The following UPK2 variants were observed in gnomAD, a reference collection of about 807,000 sequenced individuals.
The protein encoded by UPK2 is uroplakin-2.
UPK2 carries 19 observed loss-of-function variants against 14.8 expected under a neutral mutation model. That is an observed-to-expected ratio of 1.29 (90% CI 0.90 to 1.89). The LOEUF is 1.89. UPK2 is among the 40% of genes most tolerant of loss of function. UPK2 has a pLI of 0.00. For missense variants in UPK2, 232 were observed against 236.0 expected (o/e 0.98, Z 0.11); for synonymous variants, 102 against 101.6 (o/e 1.00, Z -0.02).
At position 118,956,597 on chromosome 11, in the gene UPK2, G is replaced by A. The variant is rs1364716262; in HGVS notation, c.76+171G>A. On this transcript the variant is annotated intron_variant, in intron 1 of 4. Transcript: ENST00000264031. This position sits in a 1 kb window ranked among gnomAD's most constrained non-coding sequence, Gnocchi z 4.1. Reference sequence around the variant, plus strand: ...AGGGTACACTCCTGATCCTCCTCCAGACCTAGGAGGCAGAGAGGTGTGGGC... The same window carrying A: ...AGGGTACACTCCTGATCCTCCTCCAAACCTAGGAGGCAGAGAGGTGTGGGC... Among the ~76,000 whole-genome samples, 2 of 152,088 alleles carry A rather than the reference G, an allele frequency of 1.3e-5. No homozygotes were observed. The highest frequency in any genetic ancestry group is 2.9e-5 in the Non-Finnish European group (2 of 67,998).
rs547896905 is a variant in UPK2, at chr11:118,956,639, G to A, written c.76+213G>A. On this transcript the variant is annotated intron_variant, in intron 1 of 4. Transcript: ENST00000264031. This position sits in a 1 kb window ranked among gnomAD's most constrained non-coding sequence, Gnocchi z 4.1. ...GGTGTGGGCAAGGATCCGATGCTGC[G>A]GGGAGGGGTGAGGTTGGGCGCTGCC... Among the ~76,000 whole-genome samples the A allele has an allele frequency of 6.6e-6, 1 of 152,248 alleles. No homozygotes were observed. Among genetic ancestry groups the A allele is most frequent in the African/African-American group, 2.4e-5 (1 of 41,554 alleles).
intron 4 of UPK2, 139 bp downstream of exon 4, chr11:118,957,807 G>C (rs1030499123): frequency 1.0e-5 from 10 of 993,092 alleles, no homozygotes; most frequent in Non-Finnish European, 1.5e-5. Flanking sequence ...ATCCTAGCAC[G>C]GAACCTTCGG....
intron 3 of UPK2, 48 bp from the exon 4 acceptor site, chr11:118,957,550 G>A (rs1353005755): frequency 6.2e-7 from 1 of 1,608,728 alleles, no homozygotes. Context: ...CTTCCTGTAA[G>A]TCCCAATACT....
At chr11:118,957,176 C>T (rs1376243766) in intron 2 of UPK2, 32 bp from the exon 3 acceptor site, 1 of 1,613,854 alleles carries the variant, frequency 6.2e-7, no homozygotes, top group Admixed American at 1.7e-5. Flanking sequence ...AGAAACTTGA[C>T]CCAGTCTTCC....
In UPK2 at chr11:118,956,788, A is replaced by T. The variant is rs1198644552; in HGVS notation, c.77-95A>T. ...CCTGGCTGTTCTGCCCAGGGTTCAC[A>T]GAGTGGAAAGGGAGATGGCTCCAAT... On this transcript the variant is annotated intron_variant, in intron 1 of 4. Transcript: ENST00000264031. This position sits in a 1 kb window ranked among gnomAD's most constrained non-coding sequence, Gnocchi z 4.1. 1.3e-6 allele frequency: 2 copies of T among 1,538,376 alleles called. No individual in the cohort carries two copies. Among genetic ancestry groups the T allele is most frequent in the African/African-American group, 2.7e-5 (2 of 73,260 alleles).
chr11:118,957,922 TGATGGGTGTTTG>T (rs1441674119), intron 4 of UPK2, among the ~76,000 whole-genome samples, 163 bp from the exon 5 acceptor site: 1 of 152,220 alleles, frequency 6.6e-6, no homozygotes, highest in Non-Finnish European at 1.5e-5. Flanking sequence ...AATGTCTATG[TGATGGGTGTTTG>T]GATCCATCAG....
Position 118,956,942 on chromosome 11 carries a change from G to T in UPK2, c.136G>T (p.Val46Phe). Residue 46 changes from valine to phenylalanine, a missense_variant, in exon 2 of 5, where the codon GTT becomes TTT. Coordinates refer to ENST00000264031, the MANE Select transcript of UPK2 (RefSeq NM_006760.4). This position sits in a 1 kb window ranked among gnomAD's most constrained non-coding sequence, Gnocchi z 4.1. ...LSPALTESLL[V>F]ALPPCHLTGG... Reference sequence around the variant, plus strand: ...CCCGGCGCTAACGGAGAGCCTGCTGGTTGCCTTGCCCCCCTGTCACCTCAC... The same window carrying T: ...CCCGGCGCTAACGGAGAGCCTGCTGTTTGCCTTGCCCCCCTGTCACCTCAC... 2 of 1,614,040 alleles carry T rather than the reference G, an allele frequency of 1.2e-6. No homozygotes were observed. Among genetic ancestry groups the T allele is most frequent in the South Asian group, 2.2e-5 (2 of 91,022 alleles).
chr11:118,957,407 A>G, intron 3 of UPK2, 61 bp downstream of exon 3: 1 of 1,595,672 alleles, frequency 6.3e-7, no homozygotes, highest in East Asian at 2.3e-5. Flanking sequence ...GAGAGAAGCT[A>G]GTGTGGGGGA....
chr11:118,958,159 G>A lies in UPK2; in HGVS notation c.481G>A (p.Val161Met). The A allele has an allele frequency of 6.2e-6, 10 of 1,614,086 alleles. No individual in the cohort carries two copies. Among genetic ancestry groups the A allele is most frequent in the Non-Finnish European group, 8.5e-6 (10 of 1,179,972 alleles). Residue 161 changes from valine (V) to methionine (M), a missense_variant, in exon 5 of 5, where the codon GTG (valine) becomes ATG (methionine). By Grantham distance (21) the Val-to-Met change is conservative. Coordinates refer to ENST00000264031, the MANE Select transcript of UPK2 (RefSeq NM_006760.4). This position sits in a 1 kb window ranked among gnomAD's most constrained non-coding sequence, Gnocchi z 4.6. ...CACAGGGGGCATGGTGGTCATCACG[G>A]TGCTGCTCTCTGTCGCCATGTTCCT... The part of the protein sequence containing the change: ...ARTGGMVVIT[V>M]LLSVAMFLLV...
In UPK2 at chr11:118,958,493, C is replaced by G. The variant is rs970203913; in HGVS notation, c.*260C>G. 1.1e-5 allele frequency: 5 copies of G among 452,698 alleles called. No individual in the cohort carries two copies. Among genetic ancestry groups the G allele is most frequent in the Admixed American group, 6.8e-5 (2 of 29,542 alleles). 28.0% of individuals were successfully genotyped at this position (452,698 alleles called of 1,614,324 possible). A position where few individuals can be genotyped will look rare whatever the true frequency, so the allele number is the denominator to read the frequency against. ...TCCCATTTTACCACTTTAAACACCCCCATAACAATTCCCCCATCCTTCAGT... is the reference window on the plus strand; with the variant it reads ...TCCCATTTTACCACTTTAAACACCCGCATAACAATTCCCCCATCCTTCAGT... On this transcript the variant is annotated 3_prime_UTR_variant, in exon 5 of 5. Coordinates refer to ENST00000264031, the MANE Select transcript of UPK2 (RefSeq NM_006760.4). This position sits in a 1 kb window ranked among gnomAD's most constrained non-coding sequence, Gnocchi z 4.6.
rs1315725727 is a variant in UPK2, at chr11:118,957,242, TG to T, written c.246del (p.Arg83AlafsTer5). On this transcript the variant is annotated frameshift_variant, in exon 3 of 5. Coordinates refer to ENST00000264031, the MANE Select transcript of UPK2 (RefSeq NM_006760.4). LOFTEE classifies it high-confidence loss of function. ...CCAGCTTTGTGGTGCCTCCGTGCCGTGGGCGCAGGGAACTGGTGAGTGTGGT... is the reference window on the plus strand; with the variant it reads ...CCAGCTTTGTGGTGCCTCCGTGCCGTGGCGCAGGGAACTGGTGAGTGTGGT... ...TSSFVVPPCR[G>X]RRELVSVVDS... 1.2e-6 allele frequency: 2 copies of T among 1,614,040 alleles called. No individual in the cohort carries two copies. Among genetic ancestry groups the T allele is most frequent in the South Asian group, 2.2e-5 (2 of 91,070 alleles).
chr11:118,957,249 AG>A lies in UPK2; in HGVS notation c.253del (p.Glu85AsnfsTer3). 4 of 1,614,138 alleles carry A rather than the reference AG, an allele frequency of 2.5e-6. No homozygotes were observed. Among genetic ancestry groups the A allele is most frequent in the Non-Finnish European group, 3.4e-6 (4 of 1,180,030 alleles). On this transcript the variant is annotated frameshift_variant, in exon 3 of 5. Transcript: ENST00000264031. LOFTEE classifies it high-confidence loss of function. Reference protein sequence around the residue: ...SFVVPPCRGRRELVSVVDSGA... With the variant: ...SFVVPPCRGRXELVSVVDSGA... The stretch of plus-strand genomic sequence containing the variant: ...TGTGGTGCCTCCGTGCCGTGGGCGC[AG>A]GGAACTGGTGAGTGTGGTGGACAGT...
chr11:118,956,761 G>T lies in UPK2; in HGVS notation c.77-122G>T. 7.3e-7 allele frequency: 1 copy of T among 1,366,914 alleles called. No individual in the cohort carries two copies. Among genetic ancestry groups the T allele is most frequent in the East Asian group, 2.4e-5 (1 of 42,252 alleles). 84.7% of individuals were successfully genotyped at this position (1,366,914 alleles called of 1,614,324 possible). A position where few individuals can be genotyped will look rare whatever the true frequency, so the allele number is the denominator to read the frequency against. Reference sequence around the variant, plus strand: ...GCCACCTGGTGGTCATACTGGCACAGGCCTGGCTGTTCTGCCCAGGGTTCA... The same window carrying T: ...GCCACCTGGTGGTCATACTGGCACATGCCTGGCTGTTCTGCCCAGGGTTCA... On this transcript the variant is annotated intron_variant, in intron 1 of 4. Coordinates refer to ENST00000264031, the MANE Select transcript of UPK2 (RefSeq NM_006760.4). This position sits in a 1 kb window ranked among gnomAD's most constrained non-coding sequence, Gnocchi z 4.1.
chr11:118,956,504 A>G lies in UPK2; in HGVS notation c.76+78A>G, dbSNP rs1565640589. The G allele has an allele frequency of 2.3e-6, 3 of 1,298,838 alleles. No homozygotes were observed. In the African/African-American group the frequency reaches 4.4e-5, roughly 19 times the overall value. The allele number at this position is 1,298,838 out of a possible 1,614,324, so 80.5% of individuals were successfully genotyped here. A position where few individuals can be genotyped will look rare whatever the true frequency, so the allele number is the denominator to read the frequency against. ...AGCACTGTACCTTCCAGGGCTCTCA[A>G]AGAGAGGTCTGGACAGTTGGGAGTC... is the stretch of plus-strand genomic sequence containing the variant. On this transcript the variant is annotated intron_variant, in intron 1 of 4. Transcript: ENST00000264031. The surrounding 1 kb of genome is among the most constrained non-coding windows in gnomAD (Gnocchi z 4.1).
Position 118,956,816 on chromosome 11 carries a change from G to C in UPK2, c.77-67G>C. On this transcript the variant is annotated intron_variant, in intron 1 of 4. Transcript: ENST00000264031. This position sits in a 1 kb window ranked among gnomAD's most constrained non-coding sequence, Gnocchi z 4.1. ...GTGGAAAGGGAGATGGCTCCAATGG[G>C]ACCGGGCCAGATCTGTTGGCCAGGA... is the stretch of plus-strand genomic sequence containing the variant. 2 of 1,598,382 alleles carry C rather than the reference G, an allele frequency of 1.3e-6. No homozygotes were observed. The highest frequency in any genetic ancestry group is 1.7e-6 in the Non-Finnish European group (2 of 1,170,034).
In UPK2 at chr11:118,956,789, G is replaced by A. The variant is rs1336114497; in HGVS notation, c.77-94G>A. 6.5e-7 allele frequency: 1 copy of A among 1,540,972 alleles called. No homozygotes were observed. The highest frequency in any genetic ancestry group is 1.4e-5 in the African/African-American group (1 of 73,368). ...CTGGCTGTTCTGCCCAGGGTTCACA[G>A]AGTGGAAAGGGAGATGGCTCCAATG... On this transcript the variant is annotated intron_variant, in intron 1 of 4. Transcript: ENST00000264031. This position sits in a 1 kb window ranked among gnomAD's most constrained non-coding sequence, Gnocchi z 4.1.
Position 118,957,344 on chromosome 11 carries a change from C to G in UPK2, c.345C>G (p.Phe115Leu), listed in dbSNP as rs1386384889. ...QVTNLVPGTK[F>L]YISYLVKKGT... ...CAAACCTCGTGCCAGGAACCAAATT[C>G]TAGTAGGTACTGGGTCCAGCCTGAG... Residue 115 changes from phenylalanine to leucine, a missense_variant and splice_region_variant, in exon 3 of 5, where the codon TTC (phenylalanine) becomes TTG (leucine). Physicochemically the swap from Phe to Leu is conservative, Grantham distance 22. Transcript: ENST00000264031. 6.2e-7 allele frequency: 1 copy of G among 1,613,834 alleles called. No individual in the cohort carries two copies. The highest frequency in any genetic ancestry group is 8.5e-7 in the Non-Finnish European group (1 of 1,179,924).
rs751415447 is a variant in UPK2, at chr11:118,956,421, C to A, written c.71C>A (p.Ala24Asp). Residue 24 changes from alanine to aspartate, a missense_variant, in exon 1 of 5, where the codon GCT (alanine) becomes GAT (aspartate). Ala to Asp is a moderately radical substitution (Grantham distance 126). Transcript: ENST00000264031. This position sits in a 1 kb window ranked among gnomAD's most constrained non-coding sequence, Gnocchi z 4.1. The part of the protein sequence containing the change: ...LILLALLSPG[A>D]ADFNISSLSG... Reference sequence around the variant, plus strand: ...CTGCTGGCTCTGCTGTCCCCAGGGGCTGCAGGTCTCTTCCATCTCTGGCAG... The same window carrying A: ...CTGCTGGCTCTGCTGTCCCCAGGGGATGCAGGTCTCTTCCATCTCTGGCAG... 1.2e-6 allele frequency: 2 copies of A among 1,607,824 alleles called. No homozygotes were observed. The highest frequency in any genetic ancestry group is 1.7e-6 in the Non-Finnish European group (2 of 1,179,654).
chr11:118,956,700 G>T lies in UPK2; in HGVS notation c.77-183G>T, dbSNP rs1161961265. On this transcript the variant is annotated intron_variant, in intron 1 of 4. Transcript: ENST00000264031. The surrounding 1 kb of genome is among the most constrained non-coding windows in gnomAD (Gnocchi z 4.1). ...CATCCAGGTTCTGGCTCTGGGGACC[G>T]CTTGGTGGAGGGTGCAGCTTCTGCA... Among the ~76,000 whole-genome samples the T allele has an allele frequency of 1.3e-5, 2 of 152,148 alleles. No homozygotes were observed. Among genetic ancestry groups the T allele is most frequent in the African/African-American group, 4.8e-5 (2 of 41,418 alleles).
Sources: gnomAD v4.1 joint callset for allele counts (sites outside exome capture counted in the v4.1 genomes callset) on GRCh38, gnomAD v4.1.1 for gene constraint, Gnocchi (gnomAD v3.1) non-coding constraint, MANE v1.5 for transcripts, NCBI Gene and HGNC (gene_info 2026-07-23, HGNC 2026-07-21) for gene names.